Variants in GRM7 observed in about 807,000 individuals in gnomAD.
The protein encoded by GRM7 is glutamate metabotropic receptor 7, also known as metabotropic glutamate receptor 7.
GRM7 carries 35 observed loss-of-function variants against 84.5 expected under a neutral mutation model. The observed-to-expected ratio is 0.41, with a 90% CI of 0.32 to 0.55. GRM7 has a LOEUF of 0.55. GRM7 is among the 20% of genes least tolerant of loss of function. The pLI, the probability that GRM7 is intolerant of heterozygous loss-of-function variation, is 0.19. For synonymous variants in GRM7, 487 were observed against 455.1 expected, an observed-to-expected ratio of 1.07 and a Z score of -0.89; for missense variants, 1,003 against 1,194.6, an observed-to-expected ratio of 0.84 and a Z score of 2.36.
chr3:7,303,639 A>G (rs1187216065), intron 3 of GRM7, among the ~76,000 whole-genome samples: 2 of 152,074 alleles, frequency 1.3e-5, no homozygotes, highest in Non-Finnish European at 2.9e-5. Context: ...TTTGGAGTTA[A>G]TATGACAGTC....
intron 1 of GRM7, among the ~76,000 whole-genome samples, chr3:6,961,420 A>G (rs1264841797): frequency 6.6e-6 from 1 of 152,082 alleles, no homozygotes; most frequent in Non-Finnish European, 1.5e-5. Context: ...AAACCCTCTC[A>G]TAACTCTCCA....
At chr3:7,029,837 C>A (rs981577997) in intron 1 of GRM7, among the ~76,000 whole-genome samples, 10 of 152,148 alleles carry the variant, frequency 6.6e-5, no homozygotes, top group African/African-American at 2.4e-4. Context: ...GAACTATACT[C>A]TTACAGTGAT....
chr3:7,270,182 G>A (rs754423480), intron 2 of GRM7, among the ~76,000 whole-genome samples: 20 of 152,264 alleles, frequency 1.3e-4, no homozygotes, highest in African/African-American at 3.9e-4. Flanking sequence ...TTAGCATGTC[G>A]TCATTTCTTT....
chr3:7,116,498 C>T (rs535006488), intron 1 of GRM7, among the ~76,000 whole-genome samples: 2 of 152,234 alleles, frequency 1.3e-5, no homozygotes, highest in South Asian at 4.1e-4. Context: ...CAGTCCCTCA[C>T]CACAGTCACA....
chr3:7,361,237 A>T (rs1326787293), intron 4 of GRM7, among the ~76,000 whole-genome samples: 1 of 152,008 alleles, frequency 6.6e-6, no homozygotes, highest in Non-Finnish European at 1.5e-5. Flanking sequence ...TTTTAACTAG[A>T]TTATTTTTAA....
rs10461047 is a variant in GRM7 at position 7,019,977 on chromosome 3, C to T, written c.520-126475C>T. ...TGAAGTCCGCAAAGGAAAAATAAAA[C>T]CTGTTCATCAAGCTACAGGCACATG... On this transcript the variant is annotated intron_variant, in intron 1 of 9. Transcript: ENST00000357716. Among the ~76,000 whole-genome samples, 488 of 152,220 alleles carry T rather than the reference C, an allele frequency of 3.2e-3. 18 individuals carry two copies. The East Asian group carries it at 0.08, about 25-fold the overall frequency.
At position 6,861,951 on chromosome 3, in the gene GRM7, T is replaced by A; in HGVS notation, c.519+44T>A. On this transcript the variant is annotated intron_variant, in intron 1 of 9. Coordinates refer to ENST00000357716, the MANE Select transcript of GRM7 (RefSeq NM_000844.4). The surrounding 1 kb of genome is among the most constrained non-coding windows in gnomAD (Gnocchi z 6.4). Reference sequence around the variant, plus strand: ...CGGGGCGGAGCACACAGTGGCTACCTGCGCCCTTAACCCTAAAAGCTGGCT... The same window carrying A: ...CGGGGCGGAGCACACAGTGGCTACCAGCGCCCTTAACCCTAAAAGCTGGCT... The A allele has an allele frequency of 6.5e-7, 1 of 1,527,590 alleles. No individual in the cohort carries two copies. The highest frequency in any genetic ancestry group is 1.2e-5 in the South Asian group (1 of 82,570). The allele number at this position is 1,527,590 out of a possible 1,614,324, so 94.6% of individuals were successfully genotyped here.
At chr3:7,111,837 T>C (rs1177041128) in intron 1 of GRM7, among the ~76,000 whole-genome samples, 2 of 152,138 alleles carry the variant, frequency 1.3e-5, no homozygotes, top group African/African-American at 2.4e-5. Flanking sequence ...CATTTCTTTT[T>C]CTCCAAAGTG....
chr3:7,228,885 G>A (rs1432830169), intron 2 of GRM7, among the ~76,000 whole-genome samples: 6 of 152,238 alleles, frequency 3.9e-5, no homozygotes, highest in African/African-American at 1.4e-4. Flanking sequence ...TGATGAAGAT[G>A]TGGTCAACCA....
At chr3:7,316,683 T>A (rs1700594057) in intron 4 of GRM7, among the ~76,000 whole-genome samples, 1 of 152,154 alleles carries the variant, frequency 6.6e-6, no homozygotes, top group South Asian at 2.1e-4. Flanking sequence ...CAAACAGCAA[T>A]GCCAATTCTG....
intron 4 of GRM7, among the ~76,000 whole-genome samples, chr3:7,310,233 A>G (rs1253976221): frequency 6.6e-6 from 1 of 152,220 alleles, no homozygotes; most frequent in Non-Finnish European, 1.5e-5. Flanking sequence ...AAAACTAACT[A>G]TAATGACTCT....
At chr3:7,711,480 T>C (rs753107330) in intron 9 of GRM7, among the ~76,000 whole-genome samples, 2 of 152,114 alleles carry the variant, frequency 1.3e-5, no homozygotes, top group Non-Finnish European at 2.9e-5. Flanking sequence ...ACTGGTCCAG[T>C]GAGAAGCTGG....
intron 1 of GRM7, among the ~76,000 whole-genome samples, chr3:6,984,099 C>G (rs1315103786): frequency 6.6e-6 from 1 of 152,236 alleles, no homozygotes; most frequent in South Asian, 2.1e-4. Flanking sequence ...ATTACCTTGC[C>G]ACTTTTAATT....
At chr3:7,557,680 C>T (rs1693837269) in intron 7 of GRM7, among the ~76,000 whole-genome samples, 1 of 151,998 alleles carries the variant, frequency 6.6e-6, no homozygotes, top group Non-Finnish European at 1.5e-5. Flanking sequence ...TCATTACAGG[C>T]TTGTATAAAA....
intron 2 of GRM7, among the ~76,000 whole-genome samples, chr3:7,260,816 C>T (rs1351283495): frequency 2.0e-5 from 3 of 151,900 alleles, no homozygotes; most frequent in African/African-American, 7.3e-5. Flanking sequence ...TGATAGGTTG[C>T]TAAATTGAGA....
Position 6,978,897 on chromosome 3 carries a change from A to C in GRM7, c.519+116990A>C, listed in dbSNP as rs866743485. On this transcript the variant is annotated intron_variant, in intron 1 of 9. Transcript: ENST00000357716. ...CCTTGATAGTGGTTTAAAATAAAGG[A>C]GTCCCTAGAGAGAAGAGGTATGGAC... Among the ~76,000 whole-genome samples, 10 of 152,284 alleles carry C rather than the reference A, an allele frequency of 6.6e-5. 1 individual carries two copies. The South Asian group carries it at 2.1e-3, about 32-fold the overall frequency.
intron 4 of GRM7, among the ~76,000 whole-genome samples, chr3:7,347,247 A>G (rs538333130): frequency 2.6e-5 from 4 of 152,260 alleles, no homozygotes; most frequent in African/African-American, 9.6e-5. Context: ...CATGCTTAAA[A>G]CTATTTCAAG....
At chr3:7,110,591 T>TCACACACACACACA (rs370212342) in intron 1 of GRM7, among the ~76,000 whole-genome samples, 3 of 143,636 alleles carry the variant, frequency 2.1e-5, no homozygotes, top group Admixed American at 6.8e-5. Context: ...CGATACTCTG[T>TCACACACACACACA]CACACACACA....
At chr3:7,718,601 G>A (rs936871577) in intron 9 of GRM7, among the ~76,000 whole-genome samples, 7 of 152,122 alleles carry the variant, frequency 4.6e-5, no homozygotes, top group African/African-American at 1.7e-4. Flanking sequence ...AGCACACCAA[G>A]AGTACAATCA....
Sources: allele counts gnomAD v4.1 joint callset (sites outside exome capture counted in the v4.1 genomes callset), GRCh38; gene constraint gnomAD v4.1.1; non-coding constraint Gnocchi (gnomAD v3.1); transcripts MANE v1.5; gene names NCBI Gene and HGNC (gene_info 2026-07-23, HGNC 2026-07-21).